The following PARG variants were observed in gnomAD, a reference collection of about 807,000 sequenced individuals.
PARG encodes the protein mitochondrial poly(ADP-ribose) glycohydrolase.
A neutral mutation model predicts 113.0 loss-of-function variants in PARG; 35 were observed. The ratio of observed to expected loss-of-function variants is 0.31; its 90% CI spans 0.24 to 0.41. The LOEUF is 0.41. Among genes scored for constraint, PARG ranks in the 10% least tolerant of loss-of-function variants. The pLI is 1.00. For synonymous variants in PARG, 330 were observed against 409.9 expected (o/e 0.81, Z 2.36); for missense variants, 797 against 1,169.4 (o/e 0.68, Z 4.64).
At chr10:49,940,669 G>T (rs1838995132) in intron 1 of PARG, among the ~76,000 whole-genome samples, 1 of 152,128 alleles carries the variant, frequency 6.6e-6, no homozygotes, top group African/African-American at 2.4e-5. Flanking sequence ...TGGGATTACA[G>T]TTGCCCGCCA....
intron 13 of PARG, among the ~76,000 whole-genome samples, chr10:49,850,400 T>C (rs1402720428): frequency 1.3e-5 from 2 of 151,270 alleles, no homozygotes; most frequent in Non-Finnish European, 2.9e-5. Flanking sequence ...CTTGGGAAAC[T>C]AAATAAGACA....
chr10:49,849,844 C>T (rs1435425416), intron 13 of PARG, among the ~76,000 whole-genome samples: 4 of 151,368 alleles, frequency 2.6e-5, no homozygotes, highest in Non-Finnish European at 5.9e-5. Context: ...GAGACCTTGT[C>T]TCCACTGAAA....
intron 4 of PARG, among the ~76,000 whole-genome samples, chr10:49,923,656 A>T (rs1316748128): frequency 3.3e-5 from 5 of 151,920 alleles, no homozygotes; most frequent in Non-Finnish European, 7.4e-5. Flanking sequence ...AGCCGGCGCC[A>T]GGGAAAGGAG....
At chr10:49,920,865 G>A (rs1266796156) in intron 6 of PARG, among the ~76,000 whole-genome samples, 1 of 151,978 alleles carries the variant, frequency 6.6e-6, no homozygotes, top group African/African-American at 2.4e-5. Flanking sequence ...TCTAAATTGT[G>A]TTAGGGAAGG....
At chr10:49,845,884 G>A (rs1845481006) in intron 13 of PARG, among the ~76,000 whole-genome samples, 1 of 151,826 alleles carries the variant, frequency 6.6e-6, no homozygotes, top group Non-Finnish European at 1.5e-5. Flanking sequence ...GCAACAGAGT[G>A]AGACTTTGTC....
At position 49,933,175 on chromosome 10, in the gene PARG, A is replaced by G; in HGVS notation, c.1271+2T>C. On this transcript the variant is annotated splice_donor_variant, in intron 3 of 17. Transcript: ENST00000616448. LOFTEE classifies it high-confidence loss of function. ...GGAGAGATACTGCTGAGAGAAAATT[A>G]CCTTCTGTCCTCTGCTTTGGGCAGT... 2 of 1,564,254 alleles carry G rather than the reference A, an allele frequency of 1.3e-6. No homozygotes were observed. Among genetic ancestry groups the G allele is most frequent in the South Asian group, 1.2e-5 (1 of 85,990 alleles).
intron 15 of PARG, among the ~76,000 whole-genome samples, chr10:49,841,241 G>A (rs1255697307): frequency 4.7e-5 from 7 of 150,364 alleles, no homozygotes; most frequent in Non-Finnish European, 7.4e-5. Flanking sequence ...CCACAAAAGC[G>A]AAACTCCATC....
At chr10:49,870,071 G>A (rs1554837636) in intron 9 of PARG, among the ~76,000 whole-genome samples, 2 of 152,056 alleles carry the variant, frequency 1.3e-5, no homozygotes, top group Non-Finnish European at 2.9e-5. Flanking sequence ...TAAACAACTA[G>A]ATTCTTTTAT....
chr10:49,896,322 T>C (rs1402347055), intron 7 of PARG, among the ~76,000 whole-genome samples: 1 of 152,206 alleles, frequency 6.6e-6, no homozygotes, highest in Non-Finnish European at 1.5e-5. Flanking sequence ...TCTTGCTTTG[T>C]CAACTAGGCT....
chr10:49,906,607 T>C (rs1452028364), intron 7 of PARG, among the ~76,000 whole-genome samples: 2 of 152,150 alleles, frequency 1.3e-5, no homozygotes, highest in Non-Finnish European at 2.9e-5. Context: ...TGGTTTTCCA[T>C]TCTTCATTTG....
At chr10:49,938,808 C>A (rs1838876086) in intron 1 of PARG, among the ~76,000 whole-genome samples, 1 of 152,014 alleles carries the variant, frequency 6.6e-6, no homozygotes, top group East Asian at 1.9e-4. Context: ...GAATAAATAT[C>A]CATTTCGCTA....
chr10:49,852,877 C>T (rs1301235042), intron 13 of PARG, among the ~76,000 whole-genome samples: 2 of 149,566 alleles, frequency 1.3e-5, no homozygotes, highest in Admixed American at 1.3e-4. Flanking sequence ...GTTCTTACTA[C>T]TTTCTAGAGA....
intron 7 of PARG, among the ~76,000 whole-genome samples, chr10:49,902,948 T>A (rs147631532): frequency 1.3e-5 from 2 of 151,624 alleles, no homozygotes; most frequent in Non-Finnish European, 2.9e-5. Flanking sequence ...TTCTCCTGCC[T>A]CAGCCTCCAG....
intron 7 of PARG, among the ~76,000 whole-genome samples, chr10:49,902,509 A>G (rs1848389542): frequency 6.6e-6 from 1 of 152,212 alleles, no homozygotes; most frequent in Non-Finnish European, 1.5e-5. Flanking sequence ...CAGAAATCCA[A>G]GAAAGAGAAC....
chr10:49,906,415 G>T (rs1266156037), intron 7 of PARG, among the ~76,000 whole-genome samples: 1 of 152,012 alleles, frequency 6.6e-6, no homozygotes, highest in Admixed American at 6.6e-5. Context: ...TACTCAATTA[G>T]TTTTTACGAT....
At position 49,919,632 on chromosome 10, in the gene PARG, A is replaced by C. The variant is rs1837687688; in HGVS notation, c.1662+2704T>G. 2.0e-5 allele frequency among the ~76,000 whole-genome samples: 3 copies of C among 152,280 alleles called. No individual in the cohort carries two copies. The South Asian group carries it at 6.2e-4, about 32-fold the overall frequency. ...TCAGGAGTTTGAGACCAGCATGGGT[A>C]ACATGGCAAGACCCAGTGTCTCAGC... On this transcript the variant is annotated intron_variant, in intron 6 of 17. Coordinates refer to ENST00000616448, the MANE Select transcript of PARG (RefSeq NM_003631.5).
intron 13 of PARG, among the ~76,000 whole-genome samples, chr10:49,849,204 A>G (rs1845648474): frequency 4.0e-5 from 6 of 150,514 alleles, no homozygotes; most frequent in Admixed American, 4.0e-4. Context: ...TCAAAAAAAA[A>G]GTCAATTCTC....
chr10:49,878,623 T>TAAA (rs554723081), intron 9 of PARG, among the ~76,000 whole-genome samples: 37 of 132,932 alleles, frequency 2.8e-4, no homozygotes, highest in Non-Finnish European at 4.5e-4. Flanking sequence ...GTCTTAAAAT[T>TAAA]AAAAAAAAAA....
At chr10:49,836,180 T>A (rs1554831060) in intron 15 of PARG, among the ~76,000 whole-genome samples, 1 of 152,144 alleles carries the variant, frequency 6.6e-6, no homozygotes, top group African/African-American at 2.4e-5. Context: ...CTGGAATAAT[T>A]TAATAATTAT....
Sources: gnomAD v4.1 joint callset for allele counts (sites outside exome capture counted in the v4.1 genomes callset) on GRCh38, gnomAD v4.1.1 for gene constraint, MANE v1.5 for transcripts, NCBI Gene and HGNC (gene_info 2026-07-23, HGNC 2026-07-21) for gene names.